The following FER variants were observed in gnomAD, a reference collection of about 807,000 sequenced individuals.
FER encodes the protein FER tyrosine kinase.
In FER, 63 loss-of-function variants were observed where a neutral mutation model predicts 111.0. That is an observed-to-expected ratio of 0.57 (90% CI 0.46 to 0.70). The LOEUF (loss-of-function observed/expected upper bound fraction) is 0.70, where lower values mean the gene tolerates loss of function less well. Ranked by LOEUF, FER falls within the 30% of genes least tolerant of loss-of-function variation. The probability of loss-of-function intolerance (pLI) is 0.00; values close to 1 mark genes in which losing one functional copy is unlikely to be tolerated. For missense variants in FER, 914 were observed against 954.0 expected, an observed-to-expected ratio of 0.96 and a Z score of 0.55; for synonymous variants, 327 against 313.9, an observed-to-expected ratio of 1.04 and a Z score of -0.44.
chr5:109,098,889 G>C (rs928458260), intron 16 of FER, among the ~76,000 whole-genome samples: 2 of 151,614 alleles, frequency 1.3e-5, no homozygotes, highest in African/African-American at 4.8e-5. Flanking sequence ...CTGTGAATAA[G>C]AGAAAAGGTT....
chr5:108,822,468 G>C (rs764365479), intron 3 of FER, among the ~76,000 whole-genome samples: 11 of 152,158 alleles, frequency 7.2e-5, no homozygotes, highest in Non-Finnish European at 1.3e-4. Context: ...TCATAACACA[G>C]GGAGAAAAAT....
chr5:108,838,316 A>G (rs922623262), intron 5 of FER, among the ~76,000 whole-genome samples: 1 of 152,176 alleles, frequency 6.6e-6, no homozygotes, highest in African/African-American at 2.4e-5. Flanking sequence ...GGTGCTTACA[A>G]TAGCTACTCA....
At chr5:108,761,491 TG>T (rs1315778685) in intron 1 of FER, among the ~76,000 whole-genome samples, 6 of 152,114 alleles carry the variant, frequency 3.9e-5, no homozygotes, top group Non-Finnish European at 1.5e-5. Context: ...GTGTGGTTCT[TG>T]GTGCCCCAAA....
chr5:108,888,584 A>G (rs1725078050), intron 9 of FER, among the ~76,000 whole-genome samples: 1 of 151,862 alleles, frequency 6.6e-6, no homozygotes, highest in Non-Finnish European at 1.5e-5. Flanking sequence ...TTTTAAATTT[A>G]TTTATGGCCT....
intron 12 of FER, among the ~76,000 whole-genome samples, chr5:108,956,246 A>G (rs1241890389): frequency 6.6e-6 from 1 of 151,652 alleles, no homozygotes; most frequent in East Asian, 1.9e-4. Context: ...CCCTATTACA[A>G]TTTGCGACCA....
intron 9 of FER, among the ~76,000 whole-genome samples, chr5:108,896,278 G>T (rs574385756): frequency 6.6e-6 from 1 of 151,684 alleles, no homozygotes; most frequent in Non-Finnish European, 1.5e-5. Flanking sequence ...GTTCACAAAA[G>T]TGATTCTTTT....
At chr5:108,979,808 C>T (rs1387933674) in intron 13 of FER, among the ~76,000 whole-genome samples, 4 of 151,836 alleles carry the variant, frequency 2.6e-5, no homozygotes, top group Non-Finnish European at 4.4e-5. Context: ...GTGACATTGC[C>T]TTTTTATATG....
At chr5:108,932,268 G>A (rs574442134) in intron 10 of FER, among the ~76,000 whole-genome samples, 4 of 152,146 alleles carry the variant, frequency 2.6e-5, no homozygotes, top group East Asian at 1.9e-4. Context: ...GAGAACATGC[G>A]GTGTTTGGTT....
intron 16 of FER, among the ~76,000 whole-genome samples, chr5:109,090,481 A>G (rs1477861375): frequency 6.6e-6 from 1 of 152,176 alleles, no homozygotes; most frequent in Non-Finnish European, 1.5e-5. Context: ...AAGGAGCAAA[A>G]TAAATTTACA....
At chr5:108,810,255 C>G (rs920427675) in intron 3 of FER, among the ~76,000 whole-genome samples, 1 of 152,068 alleles carries the variant, frequency 6.6e-6, no homozygotes, top group Non-Finnish European at 1.5e-5. Context: ...CAGTACATAG[C>G]GCTTATAGGT....
rs568981253 is a variant in FER, at chr5:109,051,371, A to C, written c.1924+4173A>C. On this transcript the variant is annotated intron_variant, in intron 16 of 19. Transcript: ENST00000281092. ...CTGGCACGACTGCTGGCTCTGCTTG[A>C]AGGTTGCTGGTCCACAATGGCTAGT... is the stretch of plus-strand genomic sequence containing the variant. 53 of 1,611,656 alleles carry C rather than the reference A, an allele frequency of 3.3e-5. No individual in the cohort carries two copies. In the East Asian group the frequency reaches 1.2e-3, roughly 35 times the overall value.
intron 13 of FER, among the ~76,000 whole-genome samples, chr5:109,018,250 A>G (rs1463942668): frequency 6.6e-6 from 1 of 151,872 alleles, no homozygotes; most frequent in Non-Finnish European, 1.5e-5. Context: ...AGAAAGTATC[A>G]GTATCAGTGA....
rs558724754 is a variant in FER at position 109,172,524 on chromosome 5, A to G, written c.2049-8223A>G. The stretch of plus-strand genomic sequence containing the variant: ...GGGGAGGGATAGCATTAGGAGATAT[A>G]CCTAATGCTAAATGACGAGTTACTG... On this transcript the variant is annotated intron_variant, in intron 17 of 19. Coordinates refer to ENST00000281092, the MANE Select transcript of FER (RefSeq NM_005246.4). 6.3e-4 allele frequency among the ~76,000 whole-genome samples: 89 copies of G among 141,726 alleles called. 1 individual carries two copies. The highest frequency in any genetic ancestry group is 2.1e-3 in the African/African-American group (79 of 38,108). The allele number at this position is 141,726 out of a possible 152,430, so 93.0% of individuals were successfully genotyped here. A position where few individuals can be genotyped will look rare whatever the true frequency, so the allele number is the denominator to read the frequency against.
At chr5:108,977,651 A>G (rs939531915) in intron 13 of FER, among the ~76,000 whole-genome samples, 48 of 152,270 alleles carry the variant, frequency 3.2e-4, no homozygotes, top group Admixed American at 6.5e-4. Flanking sequence ...TATCCATTCT[A>G]TTATAAAAAC....
At chr5:109,075,416 C>T (rs1581917817) in intron 16 of FER, among the ~76,000 whole-genome samples, 1 of 147,176 alleles carries the variant, frequency 6.8e-6, no homozygotes, top group East Asian at 2.0e-4. Context: ...TTTGGAATGG[C>T]TTTTGCTTAG....
Position 108,752,337 on chromosome 5 carries a change from C to A in FER, c.-206+4337C>A, listed in dbSNP as rs1469318153. ...GAAAATGAAGTCACTCATCATTCTA[C>A]CATAATGATTTGAAAACTAACAAAC... On this transcript the variant is annotated intron_variant, in intron 1 of 19. Coordinates refer to ENST00000281092, the MANE Select transcript of FER (RefSeq NM_005246.4). 5.3e-5 allele frequency among the ~76,000 whole-genome samples: 8 copies of A among 152,092 alleles called. No individual in the cohort carries two copies. In the East Asian group the frequency reaches 1.5e-3, roughly 29 times the overall value.
At chr5:109,036,005 T>G (rs1770341434) in intron 13 of FER, among the ~76,000 whole-genome samples, 1 of 152,182 alleles carries the variant, frequency 6.6e-6, no homozygotes. Flanking sequence ...GGGTTCTTTG[T>G]TTTGTTGTTG....
chr5:109,180,661 A>T, intron 17 of FER, 86 bp from the exon 18 acceptor site: 3 of 1,429,062 alleles, frequency 2.1e-6, no homozygotes, highest in Non-Finnish European at 2.8e-6. Context: ...TTGCAAATGT[A>T]AAAATGCAAA....
intron 5 of FER, among the ~76,000 whole-genome samples, chr5:108,839,572 CTTTTTTTTTTTTT>C (rs1232820003): frequency 4.8e-4 from 45 of 94,736 alleles, no homozygotes; most frequent in Non-Finnish European, 6.9e-4. Flanking sequence ...ATGCCATTTT[CTTTTTTTTTTTTT>C]TTTTTTTTTT....
Sources: allele counts gnomAD v4.1 joint callset (sites outside exome capture counted in the v4.1 genomes callset), GRCh38; gene constraint gnomAD v4.1.1; transcripts MANE v1.5; gene names NCBI Gene and HGNC (gene_info 2026-07-23, HGNC 2026-07-21).